Variants in RCHY1 observed in about 807,000 individuals in gnomAD.
RCHY1 encodes the protein ring finger and CHY zinc finger domain containing 1.
Under a neutral mutation model 41.6 loss-of-function variants are expected in RCHY1, and 21 were observed. The ratio of observed to expected loss-of-function variants is 0.51; its 90% CI spans 0.36 to 0.73. The LOEUF is 0.73. RCHY1 is among the 30% of genes least tolerant of loss of function. The pLI, the probability that RCHY1 is intolerant of heterozygous loss-of-function variation, is 0.00. For missense variants in RCHY1, 265 were observed against 325.3 expected (o/e 0.81, Z 1.43); for synonymous variants, 79 against 102.9 (o/e 0.77, Z 1.41).
At chr4:75,488,145 AT>A (rs1722414662) in intron 8 of RCHY1, among the ~76,000 whole-genome samples, 1 of 151,774 alleles carries the variant, frequency 6.6e-6, no homozygotes, top group Non-Finnish European at 1.5e-5. Flanking sequence ...TTATATTTTT[AT>A]TAAGATTTAT....
rs918341177 is a variant in RCHY1, at chr4:75,485,305, C to T, written c.658-2639G>A. Among the ~76,000 whole-genome samples, 5 of 152,184 alleles carry T rather than the reference C, an allele frequency of 3.3e-5. No homozygotes were observed. In the South Asian group the frequency reaches 1.0e-3, roughly 32 times the overall value. ...GAACTCAGTAATTTTAGCTAAGAAA[C>T]AGTAGTTAAATTTTTAAAAACGATC... On this transcript the variant is annotated intron_variant, in intron 8 of 8. Coordinates refer to ENST00000324439, the MANE Select transcript of RCHY1 (RefSeq NM_015436.4).
At chr4:75,508,342 C>T (rs1036791658) in intron 3 of RCHY1, among the ~76,000 whole-genome samples, 2 of 152,008 alleles carry the variant, frequency 1.3e-5, no homozygotes, top group African/African-American at 2.4e-5. Context: ...CCTTATACAC[C>T]GACATGTCAA....
chr4:75,487,011 T>G (rs1722074112), intron 8 of RCHY1, among the ~76,000 whole-genome samples: 1 of 152,084 alleles, frequency 6.6e-6, no homozygotes, highest in Non-Finnish European at 1.5e-5. Flanking sequence ...TGAAGTTACT[T>G]AACGGTTGTT....
chr4:75,508,471 T>C (rs1161252870), intron 3 of RCHY1, among the ~76,000 whole-genome samples: 2 of 152,080 alleles, frequency 1.3e-5, no homozygotes, highest in Admixed American at 1.3e-4. Context: ...ATACTAATTT[T>C]TACAAAGGAA....
At chr4:75,509,082 TAAAG>T in intron 2 of RCHY1, 91 bp downstream of exon 2, 1 of 1,314,898 alleles carries the variant, frequency 7.6e-7, no homozygotes, top group East Asian at 2.5e-5. Flanking sequence ...TTCTAGAAGT[TAAAG>T]AAATCTTATT....
At chr4:75,483,108 C>T (rs80310198) in intron 8 of RCHY1, among the ~76,000 whole-genome samples, 5,202 of 151,980 alleles carry the variant, frequency 0.034, 309 homozygotes, top group African/African-American at 0.12. Context: ...TATACTGTTC[C>T]CTGTCTTCTC....
chr4:75,490,557 G>T, intron 8 of RCHY1, 24 bp downstream of exon 8: 1 of 1,593,382 alleles, frequency 6.3e-7, no homozygotes, highest in Non-Finnish European at 8.5e-7. Flanking sequence ...AGTCTACAAA[G>T]TTTTAAGTAT....
At chr4:75,506,211 C>T (rs2148767202) in intron 3 of RCHY1, among the ~76,000 whole-genome samples, 1 of 150,958 alleles carries the variant, frequency 6.6e-6, no homozygotes, top group South Asian at 2.1e-4. Context: ...ACATTAACTG[C>T]CTTCTGAAAG....
chr4:75,495,301 T>C (rs911256334), intron 3 of RCHY1, among the ~76,000 whole-genome samples: 4 of 152,016 alleles, frequency 2.6e-5, no homozygotes, highest in Admixed American at 2.6e-4. Context: ...TGTATACTTC[T>C]AGTACTTACA....
At chr4:75,494,025 C>T in intron 4 of RCHY1, 76 bp downstream of exon 4, 3 of 863,934 alleles carry the variant, frequency 3.5e-6, no homozygotes, top group South Asian at 1.7e-5. Context: ...TAGCATGCTT[C>T]CAAAACATAT....
intron 7 of RCHY1, 112 bp from the exon 8 acceptor site, chr4:75,490,813 C>A: frequency 1.4e-6 from 1 of 727,970 alleles, no homozygotes; most frequent in Non-Finnish European, 2.2e-6. Flanking sequence ...CAGGCATTTT[C>A]CTCCATTTCA....
chr4:75,504,450 C>A (rs1372409233), intron 3 of RCHY1, among the ~76,000 whole-genome samples: 2 of 152,168 alleles, frequency 1.3e-5, no homozygotes, highest in Non-Finnish European at 2.9e-5. Flanking sequence ...GAACAGTTAA[C>A]ATATTTTCTC....
intron 8 of RCHY1, among the ~76,000 whole-genome samples, chr4:75,490,207 T>C (rs115517494): frequency 0.02 from 3,078 of 152,118 alleles, 41 homozygotes; most frequent in Middle Eastern, 0.048. Flanking sequence ...TCAGCAAATA[T>C]GTTCTCCTGA....
In RCHY1 at chr4:75,482,401, A is replaced by G. The variant is rs1578199335; in HGVS notation, c.*137T>C. The G allele has an allele frequency of 3.0e-6, 2 of 666,032 alleles. No individual in the cohort carries two copies. Among genetic ancestry groups the G allele is most frequent in the African/African-American group, 1.9e-5 (1 of 53,804 alleles). The allele number at this position is 666,032 out of a possible 1,614,324, so 41.3% of individuals were successfully genotyped here. A position where few individuals can be genotyped will look rare whatever the true frequency, so the allele number is the denominator to read the frequency against. ...GACCCTGAATCCTTACGTACTTGTA[A>G]TATGATTTTATGCTGTGACACTAGT... is the stretch of plus-strand genomic sequence containing the variant. On this transcript the variant is annotated 3_prime_UTR_variant, in exon 9 of 9. Transcript: ENST00000324439.
chr4:75,510,199 A>T lies in RCHY1; in HGVS notation c.91-903T>A, dbSNP rs144936624. 1.1e-3 allele frequency among the ~76,000 whole-genome samples: 160 copies of T among 152,306 alleles called. 5 individuals are homozygous for T. The East Asian group carries it at 0.021, about 20-fold the overall frequency. ...GGGCACAATTGTTCAGCTATATCAG[A>T]CAGATGGCCACATGCCCTAAAACAT... On this transcript the variant is annotated intron_variant, in intron 1 of 8. Transcript: ENST00000324439.
intron 1 of RCHY1, chr4:75,509,714 T>C (rs1724689200): frequency 5.9e-6 from 1 of 168,294 alleles, no homozygotes; most frequent in African/African-American, 2.4e-5. Flanking sequence ...GCCATTCTCG[T>C]GATAATGAAT....
At chr4:75,498,499 A>C (rs1578223932) in intron 3 of RCHY1, among the ~76,000 whole-genome samples, 2 of 148,970 alleles carry the variant, frequency 1.3e-5, no homozygotes, top group East Asian at 2.0e-4. Flanking sequence ...AAAAAAAAAA[A>C]CATAACTGGA....
chr4:75,491,869 A>G lies in RCHY1; in HGVS notation c.450+20T>C, dbSNP rs765423165. On this transcript the variant is annotated intron_variant, in intron 5 of 8. Coordinates refer to ENST00000324439, the MANE Select transcript of RCHY1 (RefSeq NM_015436.4). ...ATTCAAGAGCTGAGACTTCCAAAGT[A>G]AAAAATATTTTAAGCCTACCTCCAA... 2 of 1,608,366 alleles carry G rather than the reference A, an allele frequency of 1.2e-6. No homozygotes were observed. The highest frequency in any genetic ancestry group is 2.2e-5 in the East Asian group (1 of 44,778).
Position 75,514,327 on chromosome 4 carries a change from G to C in RCHY1, c.-41C>G. The C allele has an allele frequency of 6.3e-7, 1 of 1,588,032 alleles. No individual in the cohort carries two copies. Among genetic ancestry groups the C allele is most frequent in the South Asian group, 1.1e-5 (1 of 89,926 alleles). ...TCACATTCCACCGATCCTTCCCCCAGGATAAAAACCACGCCCAGAGAAGCT... is the reference window on the plus strand; with the variant it reads ...TCACATTCCACCGATCCTTCCCCCACGATAAAAACCACGCCCAGAGAAGCT... On this transcript the variant is annotated 5_prime_UTR_variant, in exon 1 of 9. Coordinates refer to ENST00000324439, the MANE Select transcript of RCHY1 (RefSeq NM_015436.4).
Sources: gnomAD v4.1 joint callset for allele counts (sites outside exome capture counted in the v4.1 genomes callset) on GRCh38, gnomAD v4.1.1 for gene constraint, MANE v1.5 for transcripts, NCBI Gene and HGNC (gene_info 2026-07-23, HGNC 2026-07-21) for gene names.